The following TAMM41 variants were observed in gnomAD, a reference collection of about 807,000 sequenced individuals.
TAMM41 encodes TAM41 mitochondrial translocator assembly and maintenance homolog.
A neutral mutation model predicts 44.1 loss-of-function variants in TAMM41; 36 were observed. That is an observed-to-expected ratio of 0.82 (90% CI 0.63 to 1.08). The LOEUF (loss-of-function observed/expected upper bound fraction) is 1.08. Among genes scored for constraint, TAMM41 ranks in the 50% least tolerant of loss-of-function variants. The pLI, the probability that TAMM41 is intolerant of heterozygous loss-of-function variation, is 0.00. For synonymous variants in TAMM41, 164 were observed against 153.1 expected (o/e 1.07, Z -0.53); for missense variants, 417 against 404.3 (o/e 1.03, Z -0.27).
At chr3:11,838,845 G>C (rs1357645319) in intron 3 of TAMM41, among the ~76,000 whole-genome samples, 1 of 151,940 alleles carries the variant, frequency 6.6e-6, no homozygotes, top group African/African-American at 2.4e-5. Flanking sequence ...CACACGGCTG[G>C]CTCCCTGGCA....
chr3:11,725,397 TTCTTCC>T, the TAMM41 span, among the ~76,000 whole-genome samples: 3 of 134,394 alleles, frequency 2.2e-5, no homozygotes, highest in South Asian at 2.5e-4. Flanking sequence ...CTTCTTTTTC[TTCTTCC>T]TCTTCTTCTT....
the TAMM41 span, among the ~76,000 whole-genome samples, chr3:11,736,693 C>T: frequency 2.6e-5 from 4 of 151,874 alleles, no homozygotes; most frequent in South Asian, 2.1e-4. Context: ...AGTGGCTGCT[C>T]GCCAGTTTAT....
the TAMM41 span, among the ~76,000 whole-genome samples, chr3:11,751,339 G>A: frequency 3.9e-5 from 6 of 152,148 alleles, no homozygotes; most frequent in East Asian, 1.9e-4. Flanking sequence ...TGATCTGCCC[G>A]CCTCGGCCCC....
chr3:11,830,029 C>A lies in TAMM41; in HGVS notation c.412-165G>T, dbSNP rs149086319. The stretch of plus-strand genomic sequence containing the variant: ...TTCCTCTAATAAGTAATCCCAGAAT[C>A]TCCTTGTTTTATGCCAAGGTCAAAG... On this transcript the variant is annotated intron_variant, in intron 3 of 7. Transcript: ENST00000455809. 455 of 600,876 alleles carry A rather than the reference C, an allele frequency of 7.6e-4. 1 individual carries two copies. In the African/African-American group the frequency reaches 7.7e-3, roughly 10 times the overall value. The allele number at this position is 600,876 out of a possible 1,614,324, so 37.2% of individuals were successfully genotyped here. A position where few individuals can be genotyped will look rare whatever the true frequency, so the allele number is the denominator to read the frequency against.
intron 7 of TAMM41, among the ~76,000 whole-genome samples, chr3:11,803,087 C>T (rs1312232410): frequency 1.3e-5 from 2 of 152,216 alleles, no homozygotes; most frequent in Non-Finnish European, 1.5e-5. Context: ...GCCTGGCCAA[C>T]ATGGTGAAAC....
chr3:11,787,266 G>A (rs556017927), downstream of TAMM41, among the ~76,000 whole-genome samples: 19 of 152,314 alleles, frequency 1.2e-4, no homozygotes, highest in East Asian at 2.5e-3. Flanking sequence ...AAGGCCCACC[G>A]ACATTCAAGG....
chr3:11,770,130 G>A, the TAMM41 span, among the ~76,000 whole-genome samples: 3 of 152,214 alleles, frequency 2.0e-5, no homozygotes, highest in African/African-American at 4.8e-5. Context: ...GATTGGTCCC[G>A]CACTCTAAGA....
chr3:11,740,941 C>A, the TAMM41 span, among the ~76,000 whole-genome samples: 1 of 145,526 alleles, frequency 6.9e-6, no homozygotes, highest in East Asian at 2.1e-4. Context: ...GGGCTCCAGG[C>A]CGGGCGTGGT....
At chr3:11,797,255 G>A (rs2077627521) in intron 7 of TAMM41, among the ~76,000 whole-genome samples, 1 of 152,092 alleles carries the variant, frequency 6.6e-6, no homozygotes, top group South Asian at 2.1e-4. Flanking sequence ...ATAAATACAG[G>A]GCTACAGTAA....
chr3:11,728,473 T>G, the TAMM41 span, among the ~76,000 whole-genome samples: 10 of 152,256 alleles, frequency 6.6e-5, no homozygotes, highest in East Asian at 1.9e-3. Context: ...CAAGTATATA[T>G]GAAAGCATTA....
At chr3:11,761,918 G>T in the TAMM41 span, among the ~76,000 whole-genome samples, 9 of 135,626 alleles carry the variant, frequency 6.6e-5, no homozygotes, top group Non-Finnish European at 1.2e-4. Context: ...TCGCACTCCA[G>T]CCTGGGCAAC....
At chr3:11,817,098 T>A in intron 5 of TAMM41, 94 bp downstream of exon 5, 1 of 1,329,494 alleles carries the variant, frequency 7.5e-7, no homozygotes. Flanking sequence ...CTATAAATGT[T>A]CTCACACCAG....
At chr3:11,813,864 GTATATATA>G (rs1167899657) in intron 5 of TAMM41, among the ~76,000 whole-genome samples, 215 of 143,090 alleles carry the variant, frequency 1.5e-3, no homozygotes, top group African/African-American at 5.0e-3. Flanking sequence ...GTGTATGTAT[GTATATATA>G]TGTATATATG....
At chr3:11,762,180 T>G in the TAMM41 span, among the ~76,000 whole-genome samples, 2 of 152,148 alleles carry the variant, frequency 1.3e-5, no homozygotes, top group Non-Finnish European at 2.9e-5. Context: ...TATTACATGT[T>G]TCAGTATAGT....
the TAMM41 span, among the ~76,000 whole-genome samples, chr3:11,753,105 G>C: frequency 6.6e-5 from 10 of 152,116 alleles, no homozygotes; most frequent in South Asian, 6.2e-4. Context: ...TGGGGGAATG[G>C]AGAGCTGTCT....
chr3:11,741,792 G>A, the TAMM41 span, among the ~76,000 whole-genome samples: 6 of 149,906 alleles, frequency 4.0e-5, 1 homozygote, highest in South Asian at 2.1e-4. Flanking sequence ...TGCCAGCGTC[G>A]CTACTCTGGT....
chr3:11,753,858 AGAAG>A, the TAMM41 span, among the ~76,000 whole-genome samples: 1 of 152,174 alleles, frequency 6.6e-6, no homozygotes, highest in African/African-American at 2.4e-5. Context: ...TCTGACGTGA[AGAAG>A]GAAGGGCAAG....
chr3:11,765,457 T>G, the TAMM41 span, among the ~76,000 whole-genome samples: 2 of 152,286 alleles, frequency 1.3e-5, no homozygotes, highest in African/African-American at 4.8e-5. Flanking sequence ...GAGACTCAAA[T>G]AAGTTAAGAA....
the TAMM41 span, among the ~76,000 whole-genome samples, chr3:11,764,483 A>ATTATTTTTTTTTTTTTTT: frequency 1.2e-5 from 1 of 86,330 alleles, no homozygotes; most frequent in African/African-American, 5.2e-5. Context: ...CCATAATCTT[A>ATTATTTTTTTTTTTTTTT]TTCTTTTTTT....
Sources: gnomAD v4.1 joint callset for allele counts (sites outside exome capture counted in the v4.1 genomes callset) on GRCh38, gnomAD v4.1.1 for gene constraint, MANE v1.5 for transcripts, NCBI Gene and HGNC (gene_info 2026-07-23, HGNC 2026-07-21) for gene names.